RAD51B: variants seen among roughly 807,000 people sequenced by gnomAD.
RAD51B encodes RAD51 paralog B, also known as DNA repair protein RAD51 homolog 2.
In RAD51B, 38 loss-of-function variants were observed where a neutral mutation model predicts 42.2. The ratio of observed to expected loss-of-function variants is 0.90; its 90% confidence interval spans 0.70 to 1.18. RAD51B has a LOEUF of 1.18. Ranked by LOEUF, RAD51B falls within the 50% of genes most tolerant of loss-of-function variation. The probability of loss-of-function intolerance (pLI) is 0.00; values close to 1 mark genes in which losing one functional copy is unlikely to be tolerated. For missense variants in RAD51B, 373 were observed against 400.7 expected (o/e 0.93, Z 0.59); for synonymous variants, 154 against 145.2 (o/e 1.06, Z -0.43).
At chr14:68,370,297 A>G (rs2083226656) in intron 8 of RAD51B, among the ~76,000 whole-genome samples, 1 of 152,236 alleles carries the variant, frequency 6.6e-6, no homozygotes, top group Admixed American at 6.5e-5. Flanking sequence ...TCTTTACCAA[A>G]GGGCAACTGA....
chr14:68,219,719 G>A (rs981412369), intron 7 of RAD51B, among the ~76,000 whole-genome samples: 2 of 152,036 alleles, frequency 1.3e-5, no homozygotes, highest in Non-Finnish European at 2.9e-5. Context: ...CTCTGACATC[G>A]TCTACCCAAA....
At chr14:68,281,250 T>G (rs1023377195) in intron 7 of RAD51B, among the ~76,000 whole-genome samples, 6 of 152,082 alleles carry the variant, frequency 3.9e-5, no homozygotes, top group Admixed American at 3.9e-4. Context: ...GGGTAAACCA[T>G]GAGAAATAGA....
intron 7 of RAD51B, among the ~76,000 whole-genome samples, chr14:67,893,496 ACACACACACACAC>A (rs1169271996): frequency 5.2e-4 from 49 of 94,256 alleles, no homozygotes; most frequent in African/African-American, 7.5e-4. Context: ...ACACACACAC[ACACACACACACAC>A]AAAAAAAAAC....
intron 10 of RAD51B, among the ~76,000 whole-genome samples, chr14:68,484,042 G>A (rs1430901756): frequency 1.3e-5 from 2 of 152,180 alleles, no homozygotes; most frequent in East Asian, 3.8e-4. Flanking sequence ...ACTTAACAGG[G>A]ATTTAACTTT....
intron 7 of RAD51B, among the ~76,000 whole-genome samples, chr14:68,035,089 C>T (rs946587694): frequency 3.3e-5 from 5 of 152,208 alleles, no homozygotes; most frequent in Non-Finnish European, 4.4e-5. Context: ...GTTCTTTTCC[C>T]GTATAGAAAT....
In RAD51B at chr14:68,107,609, G is replaced by A. The variant is rs567643174; in HGVS notation, c.757-184275G>A. ...TAGTAATCCAAACAGTGTGGTCCTA[G>A]CATAGGATAAAAATACAGATCCATG... On this transcript the variant is annotated intron_variant, in intron 7 of 10. Coordinates refer to ENST00000471583, the MANE Select transcript of RAD51B (RefSeq NM_133510.4). 3.3e-5 allele frequency among the ~76,000 whole-genome samples: 5 copies of A among 151,902 alleles called. No homozygotes were observed. In the South Asian group the frequency reaches 1.0e-3, roughly 32 times the overall value.
chr14:68,540,574 G>A (rs779970321), intron 10 of RAD51B: 303 of 985,274 alleles, frequency 3.1e-4, no homozygotes, highest in Non-Finnish European at 3.6e-4. Flanking sequence ...ACTGGGCTTA[G>A]CGTGGTTCTA....
Position 68,153,561 on chromosome 14 carries a change from G to T in RAD51B, c.757-138323G>T, listed in dbSNP as rs187222727. On this transcript the variant is annotated intron_variant, in intron 7 of 10. Transcript: ENST00000471583. Reference sequence around the variant, plus strand: ...TTGTGTGAGATATTATCTCATTGTGGTTTTGATTTGCATTTCTCTAATGAT... The same window carrying T: ...TTGTGTGAGATATTATCTCATTGTGTTTTTGATTTGCATTTCTCTAATGAT... Among the ~76,000 whole-genome samples, 122 of 152,080 alleles carry T rather than the reference G, an allele frequency of 8.0e-4. 1 individual carries two copies. Among genetic ancestry groups the T allele is most frequent in the Admixed American group, 5.0e-3 (77 of 15,288 alleles).
chr14:67,958,388 A>G lies in RAD51B; in HGVS notation c.756+71184A>G, dbSNP rs955622035. 7.2e-5 allele frequency among the ~76,000 whole-genome samples: 11 copies of G among 152,296 alleles called. No individual in the cohort carries two copies. The East Asian group carries it at 2.1e-3, about 29-fold the overall frequency. Reference sequence around the variant, plus strand: ...CCTGGCTAGGCAGCAGGCTTTTGCAAACACGGCTATATGAGATCTTATGCC... The same window carrying G: ...CCTGGCTAGGCAGCAGGCTTTTGCAGACACGGCTATATGAGATCTTATGCC... On this transcript the variant is annotated intron_variant, in intron 7 of 10. Transcript: ENST00000471583.
At chr14:68,409,618 C>A (rs749455658) in intron 8 of RAD51B, among the ~76,000 whole-genome samples, 1 of 152,142 alleles carries the variant, frequency 6.6e-6, no homozygotes, top group Non-Finnish European at 1.5e-5. Context: ...CAACTGCTGA[C>A]AAGAGGTCAA....
At chr14:68,541,462 A>G (rs1471106177) in intron 10 of RAD51B, 3 of 985,308 alleles carry the variant, frequency 3.0e-6, no homozygotes, top group South Asian at 4.7e-5. Flanking sequence ...AGGAGGGGGA[A>G]TGGCCCCTCT....
intron 7 of RAD51B, among the ~76,000 whole-genome samples, chr14:67,980,399 G>A (rs10147677): frequency 6.6e-5 from 10 of 152,272 alleles, no homozygotes; most frequent in African/African-American, 1.9e-4. Context: ...AGCCAAGATC[G>A]CGCCATTGCC....
chr14:68,417,540 G>T (rs2084592675), intron 9 of RAD51B, among the ~76,000 whole-genome samples: 1 of 152,138 alleles, frequency 6.6e-6, no homozygotes, highest in African/African-American at 2.4e-5. Flanking sequence ...ACCCAGAATG[G>T]TGGCATTAAA....
At chr14:68,168,425 A>G (rs1361109400) in intron 7 of RAD51B, among the ~76,000 whole-genome samples, 1 of 152,156 alleles carries the variant, frequency 6.6e-6, no homozygotes, top group Non-Finnish European at 1.5e-5. Flanking sequence ...GAGGAGCATT[A>G]TTTTTATAGA....
intron 7 of RAD51B, among the ~76,000 whole-genome samples, chr14:68,201,415 C>A (rs1177064658): frequency 6.6e-6 from 1 of 152,162 alleles, no homozygotes; most frequent in African/African-American, 2.4e-5. Flanking sequence ...AATTTAAAAA[C>A]CATTTGGTTT....
intron 7 of RAD51B, among the ~76,000 whole-genome samples, chr14:68,106,815 T>C (rs1444042051): frequency 6.6e-6 from 1 of 151,948 alleles, no homozygotes; most frequent in Non-Finnish European, 1.5e-5. Context: ...TGGGTATTCA[T>C]TGAACACCTT....
At chr14:68,118,589 A>T (rs941828348) in intron 7 of RAD51B, among the ~76,000 whole-genome samples, 1 of 152,228 alleles carries the variant, frequency 6.6e-6, no homozygotes, top group Non-Finnish European at 1.5e-5. Context: ...CAGCAATAAG[A>T]AGAAGGGTAA....
Position 68,126,537 on chromosome 14 carries a change from C to T in RAD51B, c.757-165347C>T, listed in dbSNP as rs73286283. On this transcript the variant is annotated intron_variant, in intron 7 of 10. Transcript: ENST00000471583. Reference sequence around the variant, plus strand: ...AAAGAAAATGGGTTTTCATGTATGACACGTTGATCAGCATGAGATTGCTGC... The same window carrying T: ...AAAGAAAATGGGTTTTCATGTATGATACGTTGATCAGCATGAGATTGCTGC... 7.5e-3 allele frequency among the ~76,000 whole-genome samples: 1,143 copies of T among 152,226 alleles called. 14 individuals are homozygous for T. Among genetic ancestry groups the T allele is most frequent in the African/African-American group, 0.027 (1,108 of 41,526 alleles).
chr14:67,831,155 G>A (rs181922721), intron 3 of RAD51B, among the ~76,000 whole-genome samples: 124 of 152,156 alleles, frequency 8.1e-4, no homozygotes, highest in African/African-American at 2.9e-3. Flanking sequence ...GATTACAGGC[G>A]TGAACCACCG....
Sources: gnomAD v4.1 joint callset for allele counts (sites outside exome capture counted in the v4.1 genomes callset) on GRCh38, gnomAD v4.1.1 for gene constraint, MANE v1.5 for transcripts, NCBI Gene and HGNC (gene_info 2026-07-23, HGNC 2026-07-21) for gene names.